PARM1: variants seen among roughly 807,000 people sequenced by gnomAD.
PARM1 encodes the protein WSC4, cell wall integrity and stress response component 4 homolog.
PARM1 carries 14 observed loss-of-function variants against 24.6 expected under a neutral mutation model. The ratio of observed to expected loss-of-function variants is 0.57; its 90% CI spans 0.38 to 0.89. The LOEUF (loss-of-function observed/expected upper bound fraction) is 0.89. Ranked by LOEUF, PARM1 falls within the 40% of genes least tolerant of loss-of-function variation. PARM1 has a pLI of 0.00. For missense variants in PARM1, 362 were observed against 380.4 expected (o/e 0.95, Z 0.40); for synonymous variants, 179 against 156.6 (o/e 1.14, Z -1.07).
At chr4:74,974,725 T>C (rs1722106932) in intron 1 of PARM1, among the ~76,000 whole-genome samples, 1 of 152,160 alleles carries the variant, frequency 6.6e-6, no homozygotes, top group East Asian at 1.9e-4. Context: ...TTGAAGCCCT[T>C]AAGCTTCAAT....
At position 75,049,356 on chromosome 4, in the gene PARM1, T is replaced by C. The variant is rs1377687798; in HGVS notation, c.*3109T>C. On this transcript the variant is annotated 3_prime_UTR_variant, in exon 4 of 4. Transcript: ENST00000307428. ...TTCAGTTTCTGGAGAAAAATACTTA[T>C]AGACAGTTTAACTATTACATAGATA... is the stretch of plus-strand genomic sequence containing the variant. 2.0e-5 allele frequency: 3 copies of C among 151,216 alleles called. No homozygotes were observed. The highest frequency in any genetic ancestry group is 7.3e-5 in the African/African-American group (3 of 41,074). 9.4% of individuals were successfully genotyped at this position (151,216 alleles called of 1,614,324 possible).
At chr4:74,969,442 A>G (rs1289565593) in intron 1 of PARM1, 1 of 151,944 alleles carries the variant, frequency 6.6e-6, no homozygotes, top group East Asian at 1.9e-4. Context: ...TGTAGTTACC[A>G]CTCCATTGTA....
chr4:75,007,893 T>G (rs1449061685), intron 1 of PARM1, among the ~76,000 whole-genome samples: 1 of 152,210 alleles, frequency 6.6e-6, no homozygotes, highest in Non-Finnish European at 1.5e-5. Context: ...AAGGCGATCA[T>G]CTTCAAGCCA....
At chr4:75,026,773 G>A (rs566745940) in intron 2 of PARM1, among the ~76,000 whole-genome samples, 14 of 152,234 alleles carry the variant, frequency 9.2e-5, no homozygotes, top group African/African-American at 2.2e-4. Context: ...TTCAGTCTCC[G>A]AATCCATAAA....
At chr4:75,016,458 G>A (rs1014124314) in intron 2 of PARM1, among the ~76,000 whole-genome samples, 8 of 152,058 alleles carry the variant, frequency 5.3e-5, no homozygotes, top group Admixed American at 1.3e-4. Context: ...GGTTTGTTAC[G>A]TGGGTATATT....
intron 1 of PARM1, 103 bp downstream of exon 1, chr4:74,933,473 G>T: frequency 1.0e-6 from 1 of 986,754 alleles, no homozygotes; most frequent in Non-Finnish European, 1.6e-6. Flanking sequence ...GAGTCGCCGC[G>T]CGCCTCCGGG....
At chr4:74,963,561 G>T (rs537665850) in intron 1 of PARM1, among the ~76,000 whole-genome samples, 1 of 152,110 alleles carries the variant, frequency 6.6e-6, no homozygotes, top group African/African-American at 2.4e-5. Flanking sequence ...ATAAAAGGTC[G>T]CATATTATAG....
rs180704166 is a variant in PARM1, at chr4:75,046,421, G to T, written c.*174G>T. 4.7e-3 allele frequency: 2,496 copies of T among 526,026 alleles called. 17 individuals carry two copies. Among genetic ancestry groups the T allele is most frequent in the Non-Finnish European group, 6.2e-3 (1,813 of 290,668 alleles). The allele number at this position is 526,026 out of a possible 1,614,324, so 32.6% of individuals were successfully genotyped here. A position where few individuals can be genotyped will look rare whatever the true frequency, so the allele number is the denominator to read the frequency against. ...TGGCTGCTACAACTTCCCCTTTCTG[G>T]TACAAGAAGAACCATTCTTTAAAGG... On this transcript the variant is annotated 3_prime_UTR_variant, in exon 4 of 4. Transcript: ENST00000307428.
At chr4:75,036,226 C>G (rs1483951056) in intron 3 of PARM1, among the ~76,000 whole-genome samples, 2 of 152,150 alleles carry the variant, frequency 1.3e-5, no homozygotes, top group Non-Finnish European at 2.9e-5. Flanking sequence ...TACACACTTC[C>G]CCAAAATGGT....
chr4:74,939,839 G>T lies in PARM1; in HGVS notation c.43+6469G>T, dbSNP rs1380287788. On this transcript the variant is annotated intron_variant, in intron 1 of 3. Transcript: ENST00000307428. ...AAAAAATATTAAGATAAATTACCAG[G>T]TGTGATATTTAGAAAACATGTCTAT... is the stretch of plus-strand genomic sequence containing the variant. Among the ~76,000 whole-genome samples the T allele has an allele frequency of 7.2e-5, 11 of 152,134 alleles. 1 individual carries two copies. Among genetic ancestry groups the T allele is most frequent in the Non-Finnish European group, 5.9e-5 (4 of 68,020 alleles).
At chr4:74,976,832 G>A (rs548058692) in intron 1 of PARM1, among the ~76,000 whole-genome samples, 2 of 152,244 alleles carry the variant, frequency 1.3e-5, no homozygotes, top group South Asian at 2.1e-4. Flanking sequence ...GTCTGGAGTG[G>A]ACCCCCAGAA....
intron 1 of PARM1, among the ~76,000 whole-genome samples, chr4:74,974,808 G>A (rs137995031): frequency 9.8e-5 from 15 of 152,294 alleles, no homozygotes; most frequent in African/African-American, 3.4e-4. Context: ...GGGCTCTTGT[G>A]ATGGGAGTAG....
intron 1 of PARM1, among the ~76,000 whole-genome samples, chr4:75,003,807 C>T (rs901500537): frequency 6.6e-6 from 1 of 152,148 alleles, no homozygotes; most frequent in Admixed American, 6.5e-5. Flanking sequence ...TTGTAGGTCC[C>T]TAACAGTGGC....
At chr4:75,010,075 C>T (rs1722843766) in intron 1 of PARM1, among the ~76,000 whole-genome samples, 1 of 152,180 alleles carries the variant, frequency 6.6e-6, no homozygotes, top group African/African-American at 2.4e-5. Context: ...CAACAATATT[C>T]ACAGTAGCCC....
chr4:75,009,630 G>T (rs1185662755), intron 1 of PARM1, among the ~76,000 whole-genome samples: 1 of 152,188 alleles, frequency 6.6e-6, no homozygotes, highest in Non-Finnish European at 1.5e-5. Context: ...CCCTGAGGAA[G>T]CCATGATGGA....
chr4:75,013,403 A>T (rs1288246254), intron 2 of PARM1, among the ~76,000 whole-genome samples: 2 of 152,250 alleles, frequency 1.3e-5, no homozygotes, highest in Non-Finnish European at 2.9e-5. Context: ...ATGTAAGCAC[A>T]TGAGACCAGA....
chr4:74,958,596 A>T (rs1721698689), intron 1 of PARM1, among the ~76,000 whole-genome samples: 1 of 152,202 alleles, frequency 6.6e-6, no homozygotes, highest in African/African-American at 2.4e-5. Context: ...ATGAGGCTCG[A>T]CCATAAGACA....
At chr4:74,973,167 T>G (rs897182022) in intron 1 of PARM1, among the ~76,000 whole-genome samples, 5 of 152,236 alleles carry the variant, frequency 3.3e-5, no homozygotes, top group Admixed American at 1.3e-4. Context: ...TTTAACATTT[T>G]TTGGTTTGAA....
chr4:75,032,579 G>A (rs1723294537), intron 2 of PARM1, among the ~76,000 whole-genome samples: 1 of 152,178 alleles, frequency 6.6e-6, no homozygotes, highest in African/African-American at 2.4e-5. Context: ...AATTGGTCCA[G>A]GATCATATAT....
Sources: gnomAD v4.1 joint callset for allele counts (sites outside exome capture counted in the v4.1 genomes callset) on GRCh38, gnomAD v4.1.1 for gene constraint, MANE v1.5 for transcripts, NCBI Gene and HGNC (gene_info 2026-07-23, HGNC 2026-07-21) for gene names.